The following FSIP1 variants were observed in gnomAD, a reference collection of about 807,000 sequenced individuals.
FSIP1 encodes fibrous sheath interacting protein 1.
A neutral mutation model predicts 60.9 loss-of-function variants in FSIP1; 65 were observed. The ratio of observed to expected loss-of-function variants is 1.07; its 90% CI spans 0.87 to 1.31. FSIP1 has a LOEUF of 1.31. Ranked by LOEUF, FSIP1 falls within the 40% of genes most tolerant of loss-of-function variation. FSIP1 has a pLI of 0.00. For synonymous variants in FSIP1, 209 were observed against 221.2 expected, an observed-to-expected ratio of 0.94 and a Z score of 0.49; for missense variants, 675 against 665.5, an observed-to-expected ratio of 1.01 and a Z score of -0.16.
Position 39,741,818 on chromosome 15 carries a change from C to A in FSIP1, c.642G>T (p.Gln214His). 1 of 1,566,800 alleles carries A rather than the reference C, an allele frequency of 6.4e-7. No homozygotes were observed. Among genetic ancestry groups the A allele is most frequent in the African/African-American group, 1.3e-5 (1 of 74,120 alleles). ...IPPEEYEMQMQKLNKDFTCDV... is the reference protein window; with the variant it reads ...IPPEEYEMQMHKLNKDFTCDV... Reference sequence around the variant, plus strand: ...ATTTAAATATACCTTTATTGAGTTTCTGCATCTGCATTTCATATTCTTCTG... The same window carrying A: ...ATTTAAATATACCTTTATTGAGTTTATGCATCTGCATTTCATATTCTTCTG... Residue 214 changes from glutamine (Q) to histidine (H), a missense_variant, in exon 6 of 12, where the codon CAG becomes CAT. Gln to His is a conservative substitution (Grantham distance 24, BLOSUM62 0). Transcript: ENST00000350221.
chr15:39,684,337 T>C (rs921175960), intron 10 of FSIP1, among the ~76,000 whole-genome samples: 7 of 152,118 alleles, frequency 4.6e-5, no homozygotes, highest in Admixed American at 4.6e-4. Flanking sequence ...CTGAGGCACA[T>C]GCGGAACATT....
At chr15:39,650,037 A>C (rs1892803383) in intron 10 of FSIP1, among the ~76,000 whole-genome samples, 1 of 152,134 alleles carries the variant, frequency 6.6e-6, no homozygotes, top group Admixed American at 6.5e-5. Context: ...CAGCGTCCTT[A>C]TCCTCGGGAT....
In FSIP1 at chr15:39,726,447, A is replaced by C. The variant is rs559129754; in HGVS notation, c.1050+142T>G. The C allele has an allele frequency of 4.4e-5, 33 of 744,146 alleles. No homozygotes were observed. The Admixed American group carries it at 5.7e-4, about 13-fold the overall frequency. 46.1% of individuals were successfully genotyped at this position (744,146 alleles called of 1,614,324 possible). ...CCAAATGAAAGAAAAGTGAGTAGAA[A>C]GTGGAAGTAACCAAAGGAATATACA... On this transcript the variant is annotated intron_variant, in intron 9 of 11. Coordinates refer to ENST00000350221, the MANE Select transcript of FSIP1 (RefSeq NM_152597.5).
intron 11 of FSIP1, among the ~76,000 whole-genome samples, chr15:39,615,414 CAA>C (rs576946264): frequency 2.9e-4 from 15 of 51,678 alleles, no homozygotes; most frequent in East Asian, 8.6e-4. Flanking sequence ...AACTCAATAG[CAA>C]AAAAAAAAAA....
intron 10 of FSIP1, among the ~76,000 whole-genome samples, chr15:39,696,870 CTGTGTGTG>C (rs67940382): frequency 0.021 from 2,294 of 111,642 alleles, 61 homozygotes; most frequent in East Asian, 0.044. Context: ...GAAGGGGTGT[CTGTGTGTG>C]TGTGTGTGTG....
chr15:39,773,590 GA>G (rs1897959237), intron 2 of FSIP1, among the ~76,000 whole-genome samples: 1 of 152,128 alleles, frequency 6.6e-6, no homozygotes, highest in Non-Finnish European at 1.5e-5. Flanking sequence ...TTGTCACCCA[GA>G]AATAAATAAG....
chr15:39,723,653 T>C (rs564190200), intron 9 of FSIP1, among the ~76,000 whole-genome samples: 8 of 152,378 alleles, frequency 5.3e-5, no homozygotes, highest in Admixed American at 2.0e-4. Context: ...CAGAAATTTA[T>C]ATTCCACTCA....
intron 3 of FSIP1, 147 bp from the exon 4 acceptor site, chr15:39,765,893 A>G (rs1897668788): frequency 2.1e-6 from 1 of 482,392 alleles, no homozygotes; most frequent in African/African-American, 2.0e-5. Flanking sequence ...CTCAATTTAC[A>G]AGGTGCTTTC....
intron 5 of FSIP1, among the ~76,000 whole-genome samples, chr15:39,757,827 A>G (rs540241026): frequency 1.2e-4 from 19 of 152,278 alleles, no homozygotes; most frequent in Admixed American, 2.6e-4. Context: ...GTGAAGTGCA[A>G]CAGACATCTG....
At chr15:39,759,088 TA>T (rs1897398587) in intron 5 of FSIP1, among the ~76,000 whole-genome samples, 1 of 152,058 alleles carries the variant, frequency 6.6e-6, no homozygotes, top group African/African-American at 2.4e-5. Context: ...GGAAAATATA[TA>T]TTTTTTATAC....
chr15:39,623,381 C>T (rs1439972837), intron 10 of FSIP1, among the ~76,000 whole-genome samples: 1 of 152,154 alleles, frequency 6.6e-6, no homozygotes, highest in African/African-American at 2.4e-5. Context: ...TTCCCCCAAA[C>T]AGCACTCCTA....
At chr15:39,691,768 T>A (rs1036805806) in intron 10 of FSIP1, among the ~76,000 whole-genome samples, 1 of 152,140 alleles carries the variant, frequency 6.6e-6, no homozygotes, top group African/African-American at 2.4e-5. Context: ...AAAAGAGAAT[T>A]ATCTGTGAAT....
At position 39,623,736 on chromosome 15, in the gene FSIP1, G is replaced by A. The variant is rs566168332; in HGVS notation, c.1189-5491C>T. Among the ~76,000 whole-genome samples, 6 of 152,264 alleles carry A rather than the reference G, an allele frequency of 3.9e-5. No individual in the cohort carries two copies. In the South Asian group the frequency reaches 1.2e-3, roughly 32 times the overall value. On this transcript the variant is annotated intron_variant, in intron 10 of 11. Transcript: ENST00000350221. ...GAAGTCATTTCATGGACAACGACAA[G>A]CAGGAAATAAGAGTATAGACTGGCC...
In FSIP1 at chr15:39,726,573, T is replaced by A. The variant is rs1301363885; in HGVS notation, c.1050+16A>T. ...AGCACACATTAACTTGAACAGTCTA[T>A]GGGTTCTTCAAATACCTGATTATTC... On this transcript the variant is annotated intron_variant, in intron 9 of 11. Coordinates refer to ENST00000350221, the MANE Select transcript of FSIP1 (RefSeq NM_152597.5). 6.2e-7 allele frequency: 1 copy of A among 1,613,556 alleles called. No homozygotes were observed. The highest frequency in any genetic ancestry group is 8.5e-7 in the Non-Finnish European group (1 of 1,179,596).
intron 10 of FSIP1, among the ~76,000 whole-genome samples, chr15:39,646,058 T>C (rs1244465359): frequency 6.6e-6 from 1 of 152,132 alleles, no homozygotes; most frequent in African/African-American, 2.4e-5. Flanking sequence ...AAAAGCTCTG[T>C]ACTCAGCCAG....
At chr15:39,723,259 C>T (rs944981760) in intron 9 of FSIP1, among the ~76,000 whole-genome samples, 1 of 152,146 alleles carries the variant, frequency 6.6e-6, no homozygotes, top group African/African-American at 2.4e-5. Flanking sequence ...AACAGAGTCC[C>T]GCTCTGTCCT....
chr15:39,741,751 T>A, intron 6 of FSIP1, 54 bp downstream of exon 6: 1 of 864,252 alleles, frequency 1.2e-6, no homozygotes, highest in Non-Finnish European at 1.9e-6. Flanking sequence ...TATTTCTGTA[T>A]ACAGCCAGTA....
At chr15:39,746,012 G>A (rs6492916) in intron 5 of FSIP1, among the ~76,000 whole-genome samples, 18,880 of 152,014 alleles carry the variant, frequency 0.12, 1,846 homozygotes, top group African/African-American at 0.26. Flanking sequence ...CCAGGAATTC[G>A]AGGTGGCAGC....
chr15:39,606,677 CTT>C (rs1467947076), intron 11 of FSIP1, among the ~76,000 whole-genome samples: 6 of 152,152 alleles, frequency 3.9e-5, no homozygotes, highest in Admixed American at 2.6e-4. Flanking sequence ...AGAAATTCCA[CTT>C]TGTTTTTCTT....
Sources: gnomAD v4.1 joint callset for allele counts (sites outside exome capture counted in the v4.1 genomes callset) on GRCh38, gnomAD v4.1.1 for gene constraint, MANE v1.5 for transcripts, NCBI Gene and HGNC (gene_info 2026-07-23, HGNC 2026-07-21) for gene names.